Variants in SPTA1 observed in about 807,000 individuals in gnomAD.
The protein encoded by SPTA1 is spectrin alpha, erythrocytic 1.
Under a neutral mutation model 324.7 loss-of-function variants are expected in SPTA1, and 177 were observed. The ratio of observed to expected loss-of-function variants is 0.55; its 90% CI spans 0.48 to 0.62. The LOEUF is 0.62. Among genes scored for constraint, SPTA1 ranks in the 20% least tolerant of loss-of-function variants. SPTA1 has a pLI of 0.00. For synonymous variants in SPTA1, 1,195 were observed against 1,041.3 expected, an observed-to-expected ratio of 1.15 and a Z score of -2.84; for missense variants, 3,162 against 2,883.6, an observed-to-expected ratio of 1.10 and a Z score of -2.21.
chr1:158,660,320 A>G (rs1653125211), intron 18 of SPTA1, among the ~76,000 whole-genome samples: 1 of 152,222 alleles, frequency 6.6e-6, no homozygotes, highest in South Asian at 2.1e-4. Flanking sequence ...GTGCAAGCAA[A>G]AAGATGGAGA....
rs34211240 is a variant in SPTA1, at chr1:158,669,510, C to A, written c.1731G>T (p.Leu577Phe). Reference protein sequence around the residue: ...LREKAATRRRLLKESLLLQKL... With the variant: ...LREKAATRRRFLKESLLLQKL... ...TTTGCAGAAGCAATGACTCCTTCAGCAATCTACGTCTAGTGGCAGCCTTTT... is the reference window on the plus strand; with the variant it reads ...TTTGCAGAAGCAATGACTCCTTCAGAAATCTACGTCTAGTGGCAGCCTTTT... Residue 577 changes from leucine (L) to phenylalanine (F), a missense_variant, in exon 14 of 52, where the codon TTG becomes TTT. Leu to Phe is a conservative substitution (Grantham distance 22). Coordinates refer to ENST00000643759, the MANE Select transcript of SPTA1 (RefSeq NM_003126.4). 1,005 of 1,614,158 alleles carry A rather than the reference C, an allele frequency of 6.2e-4. 5 individuals are homozygous for A. The African/African-American group carries it at 1.0e-2, about 16-fold the overall frequency.
intron 25 of SPTA1, 148 bp downstream of exon 25, chr1:158,649,708 C>A: frequency 1.4e-6 from 1 of 694,636 alleles, no homozygotes. Context: ...AAGTGAGAAT[C>A]ATACTACTAA....
At position 158,611,303 on chromosome 1, in the gene SPTA1, A is replaced by G; in HGVS notation, c.7221T>C (p.Tyr2407=). ...DPRGRSHLSG[Y]DYVGFTNSYF... ...AGGAATTGGTGAAGCCAACGTAGTC[A>G]TAGCCAGAGAGATGGCTTCGACCCC... The change falls in exon 52 of 52, where the codon TAT becomes TAC. Residue 2407 remains tyrosine, a synonymous_variant. Coordinates refer to ENST00000643759, the MANE Select transcript of SPTA1 (RefSeq NM_003126.4). 6.2e-7 allele frequency: 1 copy of G among 1,613,888 alleles called. No individual in the cohort carries two copies.
intron 46 of SPTA1, 133 bp from the exon 47 acceptor site, chr1:158,617,721 A>G (rs1649646284): frequency 1.1e-6 from 1 of 914,474 alleles, no homozygotes; most frequent in Non-Finnish European, 1.8e-6. Flanking sequence ...AATTTCACAG[A>G]GCCAAATTTT....
At chr1:158,614,148 T>C (rs758048309) in intron 49 of SPTA1, 105 bp downstream of exon 49, 23 of 992,732 alleles carry the variant, frequency 2.3e-5, no homozygotes, top group Non-Finnish European at 2.7e-5. Flanking sequence ...TAGATCTTCA[T>C]TTAAGATTCC....
intron 39 of SPTA1, among the ~76,000 whole-genome samples, 165 bp downstream of exon 39, chr1:158,634,378 G>T (rs528403044): frequency 2.3e-4 from 35 of 152,234 alleles, no homozygotes; most frequent in African/African-American, 8.2e-4. Flanking sequence ...TCACTTACAT[G>T]CTTGGACTTT....
Position 158,644,280 on chromosome 1 carries a change from G to T in SPTA1, c.4311C>A (p.Asp1437Glu). 6.2e-7 allele frequency: 1 copy of T among 1,613,508 alleles called. No individual in the cohort carries two copies. Among genetic ancestry groups the T allele is most frequent in the Non-Finnish European group, 8.5e-7 (1 of 1,179,836 alleles). The change falls in exon 30 of 52, where the codon GAC becomes GAA. Residue 1437 changes from aspartate to glutamate, a missense_variant. Transcript: ENST00000643759. ...DSLEALMKKR[D>E]DLDKAITAQE... Reference sequence around the variant, plus strand: ...GGGCAGTGATTGCTTTGTCCAAATCGTCCCGTTTCTTCATCAAAGCCTCCA... The same window carrying T: ...GGGCAGTGATTGCTTTGTCCAAATCTTCCCGTTTCTTCATCAAAGCCTCCA...
chr1:158,626,738 C>G, intron 41 of SPTA1, 101 bp downstream of exon 41: 1 of 1,486,068 alleles, frequency 6.7e-7, no homozygotes, highest in Non-Finnish European at 9.4e-7. Flanking sequence ...GATGGAAACA[C>G]CTCCTTTCAT....
intron 27 of SPTA1, among the ~76,000 whole-genome samples, chr1:158,646,945 T>C (rs1444626629): frequency 6.6e-6 from 1 of 152,184 alleles, no homozygotes; most frequent in Non-Finnish European, 1.5e-5. Context: ...AGTAAGATAT[T>C]CACAGTTCTC....
chr1:158,663,670 T>C (rs5011462), intron 16 of SPTA1, among the ~76,000 whole-genome samples: 13,234 of 152,142 alleles, frequency 0.087, 1,925 homozygotes, highest in African/African-American at 0.3. Flanking sequence ...ATTTGCCTTT[T>C]TTTCTCGTTT....
At position 158,677,272 on chromosome 1, in the gene SPTA1, T is replaced by G. The variant is rs16840527; in HGVS notation, c.957+418A>C. Among the ~76,000 whole-genome samples the G allele has an allele frequency of 2.0e-5, 3 of 152,138 alleles. No homozygotes were observed. In the South Asian group the frequency reaches 6.2e-4, roughly 32 times the overall value. On this transcript the variant is annotated intron_variant, in intron 7 of 51. Transcript: ENST00000643759. ...AGTTTATTTTAAAAGGAGAAGACAA[T>G]GTTTTTCTGATCTACTGAGTACAAA...
chr1:158,636,529 C>G, intron 37 of SPTA1, 112 bp downstream of exon 37: 2 of 1,240,782 alleles, frequency 1.6e-6, no homozygotes. Context: ...CTAACTCTCT[C>G]TGACCTTGAC....
chr1:158,686,142 C>A (rs1472530701), intron 1 of SPTA1, among the ~76,000 whole-genome samples: 1 of 152,164 alleles, frequency 6.6e-6, no homozygotes, highest in Non-Finnish European at 1.5e-5. Flanking sequence ...AAATTTTAAT[C>A]TCCCATTATT....
At chr1:158,685,489 G>C in intron 1 of SPTA1, 142 bp from the exon 2 acceptor site, 1 of 1,201,526 alleles carries the variant, frequency 8.3e-7, no homozygotes, top group Admixed American at 2.1e-5. Flanking sequence ...CAGAAGAGCT[G>C]TAGTATATTT....
rs771033064 is a variant in SPTA1, at chr1:158,638,193, C to T, written c.5029G>A (p.Gly1677Arg). 62 of 1,613,548 alleles carry T rather than the reference C, an allele frequency of 3.8e-5. No individual in the cohort carries two copies. The highest frequency in any genetic ancestry group is 1.5e-4 in the South Asian group (14 of 91,078). The change falls in exon 36 of 52, where the codon GGG (glycine) becomes AGG (arginine). Residue 1677 changes from glycine (G) to arginine (R), a missense_variant. Transcript: ENST00000643759. ...ACAATCTGATCAACGTTGAAAGTCC[C>T]GCTGGAGAGCAAATCTTCAGCCAAT... is the stretch of plus-strand genomic sequence containing the variant. ...NTLAEDLLSS[G>R]TFNVDQIVKK... is the part of the protein sequence containing the mutation.
chr1:158,627,034 T>C (rs1464628164), intron 40 of SPTA1, 27 bp from the exon 41 acceptor site: 1 of 1,612,988 alleles, frequency 6.2e-7, no homozygotes, highest in Admixed American at 1.7e-5. Flanking sequence ...GACAAATATA[T>C]TTATAATGTG....
At chr1:158,679,156 T>C (rs1418479231) in intron 5 of SPTA1, among the ~76,000 whole-genome samples, 1 of 152,094 alleles carries the variant, frequency 6.6e-6, no homozygotes, top group Non-Finnish European at 1.5e-5. Context: ...CTCCTTACTC[T>C]TCCTGTCCCT....
intron 42 of SPTA1, among the ~76,000 whole-genome samples, chr1:158,624,679 G>C (rs1025079299): frequency 3.9e-5 from 6 of 152,210 alleles, no homozygotes; most frequent in African/African-American, 1.4e-4. Context: ...GCCAGGATTT[G>C]AGGGGCTATA....
chr1:158,642,583 T>G lies in SPTA1; in HGVS notation c.4606-41A>C, dbSNP rs74493447. 1.8e-3 allele frequency: 2,887 copies of G among 1,610,904 alleles called. 37 individuals are homozygous for G. In the African/African-American group the frequency reaches 0.031, roughly 17 times the overall value. ...AACAGAAATTATATTATCTTTTTAT[T>G]TATGGTGACAAGATAAGGTAAATTG... On this transcript the variant is annotated intron_variant, in intron 32 of 51. Coordinates refer to ENST00000643759, the MANE Select transcript of SPTA1 (RefSeq NM_003126.4).
Sources: gnomAD v4.1 joint callset for allele counts (sites outside exome capture counted in the v4.1 genomes callset) on GRCh38, gnomAD v4.1.1 for gene constraint, MANE v1.5 for transcripts, NCBI Gene and HGNC (gene_info 2026-07-23, HGNC 2026-07-21) for gene names.